DLGAP2: variants seen among roughly 807,000 people sequenced by gnomAD.
DLGAP2 encodes the protein DLG associated protein 2.
In DLGAP2, 26 loss-of-function variants were observed where a neutral mutation model predicts 100.3. The observed-to-expected ratio is 0.26, with a 90% CI of 0.19 to 0.36. DLGAP2 has a LOEUF of 0.36. Ranked by LOEUF, DLGAP2 falls within the 10% of genes least tolerant of loss-of-function variation. The probability of loss-of-function intolerance (pLI) is 1.00; values close to 1 mark genes in which losing one functional copy is unlikely to be tolerated. For synonymous variants in DLGAP2, 886 were observed against 630.1 expected, an observed-to-expected ratio of 1.41 and a Z score of -6.08; for missense variants, 1,858 against 1,453.2, an observed-to-expected ratio of 1.28 and a Z score of -4.53.
chr8:1,003,880 A>C (rs1801032468), intron 2 of DLGAP2, among the ~76,000 whole-genome samples: 1 of 152,230 alleles, frequency 6.6e-6, no homozygotes. Flanking sequence ...CAAGCCATAC[A>C]GACATTTCTT....
intron 3 of DLGAP2, among the ~76,000 whole-genome samples, chr8:1,363,888 C>T (rs1802043082): frequency 6.6e-6 from 1 of 152,138 alleles, no homozygotes; most frequent in South Asian, 2.1e-4. Flanking sequence ...TGACCACCTG[C>T]TCCCCGTGAG....
intron 1 of DLGAP2, among the ~76,000 whole-genome samples, chr8:898,047 G>C (rs1250220773): frequency 6.7e-6 from 1 of 149,840 alleles, no homozygotes; most frequent in Non-Finnish European, 1.5e-5. Context: ...GCAGTAAGTG[G>C]GTTGGAAAAT....
At chr8:1,373,485 T>C (rs1216663766) in intron 3 of DLGAP2, among the ~76,000 whole-genome samples, 1 of 152,210 alleles carries the variant, frequency 6.6e-6, no homozygotes, top group Non-Finnish European at 1.5e-5. Context: ...ATCAGGTTTG[T>C]GTTTCTGTGG....
In DLGAP2 at chr8:1,447,623, A is replaced by T. The variant is rs187366742; in HGVS notation, c.107-53743A>T. Reference sequence around the variant, plus strand: ...CATAAAATGAGTTTGTGAGGATTCCATCTTTTTCTATTGATTGGAATAGTT... The same window carrying T: ...CATAAAATGAGTTTGTGAGGATTCCTTCTTTTTCTATTGATTGGAATAGTT... On this transcript the variant is annotated intron_variant, in intron 3 of 14. Coordinates refer to ENST00000637795, the MANE Select transcript of DLGAP2 (RefSeq NM_001346810.2). 2.2e-3 allele frequency among the ~76,000 whole-genome samples: 333 copies of T among 152,262 alleles called. 3 individuals are homozygous for T. The highest frequency in any genetic ancestry group is 7.8e-3 in the African/African-American group (324 of 41,548).
chr8:1,084,311 T>C (rs1803903896), intron 2 of DLGAP2, among the ~76,000 whole-genome samples: 1 of 152,258 alleles, frequency 6.6e-6, no homozygotes, highest in Non-Finnish European at 1.5e-5. Flanking sequence ...ACTGGTGCTA[T>C]GATTTATGAA....
intron 3 of DLGAP2, among the ~76,000 whole-genome samples, chr8:1,320,055 G>T (rs562722030): frequency 6.6e-6 from 1 of 152,132 alleles, no homozygotes; most frequent in South Asian, 2.1e-4. Context: ...GGCCCAGGGA[G>T]TTGAGGAACT....
At chr8:975,165 AAAAC>A (rs539066558) in intron 2 of DLGAP2, among the ~76,000 whole-genome samples, 60 of 152,340 alleles carry the variant, frequency 3.9e-4, no homozygotes, top group African/African-American at 1.4e-3. Context: ...AGTTGTTTGA[AAAAC>A]AAACCTGTCA....
At chr8:803,341 CT>C (rs1394338930) in intron 1 of DLGAP2, among the ~76,000 whole-genome samples, 1 of 152,150 alleles carries the variant, frequency 6.6e-6, no homozygotes, top group Non-Finnish European at 1.5e-5. Flanking sequence ...CTTACTTTTG[CT>C]TGTGGTTTAT....
chr8:1,158,345 T>C (rs1255013084), intron 2 of DLGAP2, among the ~76,000 whole-genome samples: 1 of 152,242 alleles, frequency 6.6e-6, no homozygotes, highest in Non-Finnish European at 1.5e-5. Context: ...TGTGCATGTA[T>C]GTATGTACAT....
intron 3 of DLGAP2, among the ~76,000 whole-genome samples, chr8:1,484,640 C>T (rs1196267068): frequency 6.6e-6 from 1 of 152,204 alleles, no homozygotes; most frequent in Non-Finnish European, 1.5e-5. Context: ...ACAAGCTGGA[C>T]AGGAATTTCT....
intron 2 of DLGAP2, among the ~76,000 whole-genome samples, chr8:1,062,047 A>G: frequency 6.7e-6 from 1 of 149,146 alleles, no homozygotes; most frequent in Non-Finnish European, 1.5e-5. Context: ...ATTTATCTGA[A>G]AAAAAAAAAC....
chr8:1,007,194 T>C (rs148093282), intron 2 of DLGAP2, among the ~76,000 whole-genome samples: 237 of 152,316 alleles, frequency 1.6e-3, no homozygotes, highest in Non-Finnish European at 2.6e-3. Flanking sequence ...CTTTATCATG[T>C]CGGGGACACC....
chr8:1,118,636 G>A (rs181251949), intron 2 of DLGAP2, among the ~76,000 whole-genome samples: 186 of 152,268 alleles, frequency 1.2e-3, no homozygotes, highest in African/African-American at 4.3e-3. Context: ...ACTGCAGACG[G>A]CCCCTGTACT....
intron 2 of DLGAP2, among the ~76,000 whole-genome samples, chr8:1,155,119 C>G (rs1174487252): frequency 6.6e-6 from 1 of 152,224 alleles, no homozygotes; most frequent in Non-Finnish European, 1.5e-5. Flanking sequence ...GCCTGGGTCC[C>G]GTCCCCTGGG....
At chr8:1,296,299 C>T (rs1053182018) in intron 3 of DLGAP2, 2 of 152,112 alleles carry the variant, frequency 1.3e-5, no homozygotes, top group Non-Finnish European at 2.9e-5. Context: ...TTTCTAGAAC[C>T]TCAATTATAA....
intron 2 of DLGAP2, among the ~76,000 whole-genome samples, chr8:968,439 C>T (rs140806032): frequency 6.9e-4 from 105 of 152,288 alleles, no homozygotes; most frequent in African/African-American, 2.4e-3. Context: ...CAGGGAGGAA[C>T]TCCAGAGCCT....
At chr8:1,595,589 C>A (rs992400281) in intron 6 of DLGAP2, among the ~76,000 whole-genome samples, 35 of 150,380 alleles carry the variant, frequency 2.3e-4, no homozygotes, top group African/African-American at 2.9e-4. Context: ...ATGGCGTGAA[C>A]CCGGGAAGCG....
intron 3 of DLGAP2, among the ~76,000 whole-genome samples, chr8:1,364,735 C>T (rs975130152): frequency 1.3e-5 from 2 of 152,190 alleles, no homozygotes; most frequent in African/African-American, 4.8e-5. Context: ...CCGAACTCAG[C>T]CAGAGCTCAG....
rs1821236154 is a variant in DLGAP2 at position 767,203 on chromosome 8, C to A, written c.18+29378C>A. Among the ~76,000 whole-genome samples, 3 of 152,234 alleles carry A rather than the reference C, an allele frequency of 2.0e-5. No homozygotes were observed. The South Asian group carries it at 6.2e-4, about 32-fold the overall frequency. ...TTCTTCCTGGATCCTTGTGGTCCTG[C>A]ATGATGGACCTTCCACTCTTGCTAG... On this transcript the variant is annotated intron_variant, in intron 1 of 14. Coordinates refer to ENST00000637795, the MANE Select transcript of DLGAP2 (RefSeq NM_001346810.2).
Sources: allele counts gnomAD v4.1 joint callset (sites outside exome capture counted in the v4.1 genomes callset), GRCh38; gene constraint gnomAD v4.1.1; transcripts MANE v1.5; gene names NCBI Gene and HGNC (gene_info 2026-07-23, HGNC 2026-07-21).